The following AKAP12 variants were observed in gnomAD, a reference collection of about 807,000 sequenced individuals.
AKAP12 encodes the protein A-kinase anchoring protein 12, also known as A-kinase anchor protein 12.
Under a neutral mutation model 79.9 loss-of-function variants are expected in AKAP12, and 32 were observed. The ratio of observed to expected loss-of-function variants is 0.40; its 90% CI spans 0.30 to 0.54. The LOEUF is 0.54. Among genes scored for constraint, AKAP12 ranks in the 20% least tolerant of loss-of-function variants. The probability of loss-of-function intolerance (pLI) is 0.48; values close to 1 mark genes in which losing one functional copy is unlikely to be tolerated. For missense variants in AKAP12, 2,074 were observed against 2,177.0 expected (o/e 0.95, Z 0.94); for synonymous variants, 808 against 857.0 (o/e 0.94, Z 1.00).
rs765884966 is a variant in AKAP12 at position 151,351,920 on chromosome 6, G to A, written c.3529G>A (p.Val1177Ile). ...CAGTGAGACTGATGGAAGCACCCCCGTAGCCGACTTTGACGCACCAGGCAC... is the reference window on the plus strand; with the variant it reads ...CAGTGAGACTGATGGAAGCACCCCCATAGCCGACTTTGACGCACCAGGCAC... Reference protein sequence around the residue: ...TDSETDGSTPVADFDAPGTTQ... With the variant: ...TDSETDGSTPIADFDAPGTTQ... The change falls in exon 4 of 5, where the codon GTA (valine) becomes ATA (isoleucine). Residue 1177 changes from valine to isoleucine, a missense_variant. Physicochemically the swap from Val to Ile is conservative, Grantham distance 29. Coordinates refer to ENST00000402676, the MANE Select transcript of AKAP12 (RefSeq NM_005100.4). The surrounding 1 kb of genome is among the most constrained non-coding windows in gnomAD (Gnocchi z 4.4). 3.7e-6 allele frequency: 6 copies of A among 1,613,990 alleles called. No individual in the cohort carries two copies. Among genetic ancestry groups the A allele is most frequent in the Admixed American group, 3.3e-5 (2 of 59,988 alleles).
chr6:151,351,824 G>A lies in AKAP12; in HGVS notation c.3433G>A (p.Ala1145Thr), dbSNP rs771449894. ...AACCACTTGTCAAGCCGAAACCTTA[G>A]CTGGGGTAAAATCACAGGAGATGGT... ...LVTTCQAETL[A>T]GVKSQEMVME... The change falls in exon 4 of 5, where the codon GCT becomes ACT. Residue 1145 changes from alanine (A) to threonine (T), a missense_variant. Physicochemically the swap from Ala to Thr is moderately conservative, Grantham distance 58 (BLOSUM62 0). Transcript: ENST00000402676. This position sits in a 1 kb window ranked among gnomAD's most constrained non-coding sequence, Gnocchi z 4.4. The A allele has an allele frequency of 8.1e-6, 13 of 1,614,114 alleles. No individual in the cohort carries two copies. In the Admixed American group the frequency reaches 1.0e-4, roughly 12 times the overall value.
chr6:151,293,938 A>G (rs1562724878), intron 2 of AKAP12, among the ~76,000 whole-genome samples: 1 of 152,214 alleles, frequency 6.6e-6, no homozygotes, highest in East Asian at 1.9e-4. Context: ...TAGGGGAAAA[A>G]AAGAATAAAA....
At chr6:151,282,143 G>T (rs1451627296) in intron 2 of AKAP12, among the ~76,000 whole-genome samples, 1 of 151,976 alleles carries the variant, frequency 6.6e-6, no homozygotes, top group East Asian at 1.9e-4. Context: ...GAATGCAGTG[G>T]TGCTATCTCG....
intron 2 of AKAP12, among the ~76,000 whole-genome samples, chr6:151,269,645 G>C (rs977764065): frequency 6.6e-6 from 1 of 152,142 alleles, no homozygotes; most frequent in African/African-American, 2.4e-5. Context: ...CTTTGCCTCC[G>C]AGCACTCTTC....
At position 151,245,546 on chromosome 6, in the gene AKAP12, A is replaced by G. The variant is rs905714430; in HGVS notation, c.162+4822A>G. 3.3e-5 allele frequency among the ~76,000 whole-genome samples: 5 copies of G among 151,392 alleles called. 1 individual carries two copies. Among genetic ancestry groups the G allele is most frequent in the African/African-American group, 1.2e-4 (5 of 41,170 alleles). ...TCCTGACCTCGTGATCCACCCGGCT[A>G]AGGCAGGAGAATGGCGTGAACCCGG... On this transcript the variant is annotated intron_variant, in intron 2 of 4. Coordinates refer to ENST00000402676, the MANE Select transcript of AKAP12 (RefSeq NM_005100.4).
chr6:151,264,615 G>A (rs995249851), intron 2 of AKAP12, among the ~76,000 whole-genome samples: 3 of 150,126 alleles, frequency 2.0e-5, no homozygotes, highest in African/African-American at 7.4e-5. Context: ...AGGTTGCAGT[G>A]AGCCAAGATC....
At chr6:151,292,800 A>G (rs1471806266) in intron 2 of AKAP12, among the ~76,000 whole-genome samples, 2 of 152,238 alleles carry the variant, frequency 1.3e-5, no homozygotes, top group Non-Finnish European at 2.9e-5. Context: ...CACAAACCAA[A>G]CAAACATCCC....
chr6:151,291,459 G>C (rs58491165), intron 2 of AKAP12, among the ~76,000 whole-genome samples: 4,989 of 152,252 alleles, frequency 0.033, 154 homozygotes, highest in East Asian at 0.11. Context: ...CTAAGAAGGG[G>C]TCTTACCATT....
chr6:151,338,614 C>T (rs1777874184), intron 3 of AKAP12, among the ~76,000 whole-genome samples: 1 of 152,066 alleles, frequency 6.6e-6, no homozygotes, highest in Non-Finnish European at 1.5e-5. Context: ...CACCACCACG[C>T]CCGGCTAATT....
chr6:151,255,056 G>T (rs1562708250), intron 2 of AKAP12, among the ~76,000 whole-genome samples: 1 of 152,200 alleles, frequency 6.6e-6, no homozygotes, highest in Non-Finnish European at 1.5e-5. Flanking sequence ...CGCTAGGAGG[G>T]CTGGACTGAA....
At chr6:151,347,149 G>T (rs1778122809) in intron 3 of AKAP12, among the ~76,000 whole-genome samples, 4 of 152,208 alleles carry the variant, frequency 2.6e-5, no homozygotes, top group Admixed American at 2.6e-4. Flanking sequence ...TTTGGGCATT[G>T]GGAGCCCCTT....
intron 2 of AKAP12, among the ~76,000 whole-genome samples, chr6:151,288,202 T>TTA (rs1398151851): frequency 1.4e-5 from 2 of 138,664 alleles, no homozygotes; most frequent in Non-Finnish European, 3.2e-5. Context: ...ATCCCAGAAC[T>TTA]TAAAGTATTT....
chr6:151,290,571 A>G (rs559033312), intron 2 of AKAP12, among the ~76,000 whole-genome samples: 224 of 150,310 alleles, frequency 1.5e-3, no homozygotes, highest in Non-Finnish European at 2.5e-3. Flanking sequence ...TTCCTCTCCC[A>G]TCCCCCTCAC....
chr6:151,321,901 A>ATTT (rs1777397625), intron 3 of AKAP12, among the ~76,000 whole-genome samples: 9 of 58,496 alleles, frequency 1.5e-4, no homozygotes, highest in African/African-American at 5.4e-4. Flanking sequence ...CATCAGCTTT[A>ATTT]TGTTTTTTTT....
At chr6:151,249,361 A>C (rs541952402) in intron 2 of AKAP12, among the ~76,000 whole-genome samples, 2 of 152,320 alleles carry the variant, frequency 1.3e-5, no homozygotes, top group African/African-American at 4.8e-5. Context: ...TTTTAATATA[A>C]TAGAGACAAG....
intron 2 of AKAP12, among the ~76,000 whole-genome samples, chr6:151,296,143 C>T (rs1350019217): frequency 2.6e-5 from 4 of 152,210 alleles, no homozygotes; most frequent in Non-Finnish European, 2.9e-5. Flanking sequence ...TCTGCTGCCT[C>T]TTCCCTGAGG....
At chr6:151,322,975 T>C (rs1444031866) in intron 3 of AKAP12, among the ~76,000 whole-genome samples, 1 of 152,216 alleles carries the variant, frequency 6.6e-6, no homozygotes, top group Non-Finnish European at 1.5e-5. Flanking sequence ...TGTCTTCCTC[T>C]AAAAATCCTA....
At chr6:151,324,394 G>GC (rs1356736171) in intron 3 of AKAP12, 1 of 985,238 alleles carries the variant, frequency 1.0e-6, no homozygotes, top group Non-Finnish European at 1.2e-6. Context: ...CTCACTCTGG[G>GC]CCCGAGTGTG....
At chr6:151,341,738 A>C (rs1052634512) in intron 3 of AKAP12, 12 of 1,278,876 alleles carry the variant, frequency 9.4e-6, no homozygotes, top group Non-Finnish European at 1.2e-5. Context: ...GATGGCGGAC[A>C]CGGAATCCCG....
Sources: allele counts gnomAD v4.1 joint callset (sites outside exome capture counted in the v4.1 genomes callset), GRCh38; gene constraint gnomAD v4.1.1; non-coding constraint Gnocchi (gnomAD v3.1); transcripts MANE v1.5; gene names NCBI Gene and HGNC (gene_info 2026-07-23, HGNC 2026-07-21).